ATP13A4: variants seen among roughly 807,000 people sequenced by gnomAD.
ATP13A4 encodes the protein probable cation-transporting ATPase 13A4.
ATP13A4 carries 114 observed loss-of-function variants against 142.5 expected under a neutral mutation model. The observed-to-expected ratio is 0.80, with a 90% CI of 0.69 to 0.93. The LOEUF (loss-of-function observed/expected upper bound fraction) is 0.93, where lower values mean the gene tolerates loss of function less well. Among genes scored for constraint, ATP13A4 ranks in the 40% least tolerant of loss-of-function variants. The probability of loss-of-function intolerance (pLI) is 0.00; values close to 1 mark genes in which losing one functional copy is unlikely to be tolerated. For missense variants in ATP13A4, 1,392 were observed against 1,454.0 expected (o/e 0.96, Z 0.69); for synonymous variants, 488 against 514.8 (o/e 0.95, Z 0.70).
intron 2 of ATP13A4, among the ~76,000 whole-genome samples, chr3:193,572,414 C>T (rs1724286285): frequency 1.3e-5 from 2 of 152,288 alleles, no homozygotes; most frequent in South Asian, 2.1e-4. Flanking sequence ...CTATTTTAAA[C>T]TTACAGCAGT....
At chr3:193,451,055 C>T (rs564288649) in intron 17 of ATP13A4, among the ~76,000 whole-genome samples, 7 of 152,268 alleles carry the variant, frequency 4.6e-5, no homozygotes, top group South Asian at 2.1e-4. Flanking sequence ...CCGGCTGTTA[C>T]GGGACTCTCT....
rs539602692 is a variant in ATP13A4 at position 193,436,921 on chromosome 3, G to A, written c.2673-1177C>T. On this transcript the variant is annotated intron_variant, in intron 23 of 29. Coordinates refer to ENST00000342695, the MANE Select transcript of ATP13A4 (RefSeq NM_032279.4). ...AGATCGAGACCATCCCGGCTAAAAC[G>A]GCGAAACCCCGTCTCTACTAAAAAT... Among the ~76,000 whole-genome samples, 53 of 148,554 alleles carry A rather than the reference G, an allele frequency of 3.6e-4. No homozygotes were observed. The East Asian group carries it at 6.6e-3, about 18-fold the overall frequency.
In ATP13A4 at chr3:193,402,874, A is replaced by C; in HGVS notation, c.3379-10T>G. ...TTTCAATAACAGCCTCCTGCAAAAT[A>C]AAATAATTACTTTTTACAAGCAAGG... is the stretch of plus-strand genomic sequence containing the variant. On this transcript the variant is annotated splice_polypyrimidine_tract_variant and intron_variant, in intron 29 of 29. Transcript: ENST00000342695. 5 of 1,612,980 alleles carry C rather than the reference A, an allele frequency of 3.1e-6. No homozygotes were observed. In the East Asian group the frequency reaches 1.1e-4, roughly 36 times the overall value.
At chr3:193,449,055 C>T (rs1448279867) in intron 17 of ATP13A4, among the ~76,000 whole-genome samples, 1 of 152,122 alleles carries the variant, frequency 6.6e-6, no homozygotes, top group Admixed American at 6.5e-5. Context: ...TTATTTTAGC[C>T]CCAGGAGATA....
intron 2 of ATP13A4, among the ~76,000 whole-genome samples, chr3:193,578,581 T>A (rs1435107703): frequency 6.6e-6 from 1 of 152,168 alleles, no homozygotes; most frequent in Non-Finnish European, 1.5e-5. Context: ...TCCATGAGGA[T>A]GTTTCTGAAA....
chr3:193,492,145 T>C (rs116381880), intron 5 of ATP13A4, among the ~76,000 whole-genome samples: 128 of 152,282 alleles, frequency 8.4e-4, no homozygotes, highest in Admixed American at 1.3e-3. Flanking sequence ...TCTGATTCAA[T>C]GGGATGAAAA....
chr3:193,466,456 T>G (rs943629117), intron 10 of ATP13A4, among the ~76,000 whole-genome samples: 9 of 152,256 alleles, frequency 5.9e-5, no homozygotes, highest in African/African-American at 1.9e-4. Flanking sequence ...AGCACAGCTT[T>G]GCCAAATAGC....
At position 193,488,002 on chromosome 3, in the gene ATP13A4, G is replaced by A. The variant is rs1472335543; in HGVS notation, c.738+1728C>T. On this transcript the variant is annotated intron_variant, in intron 7 of 29. Transcript: ENST00000342695. The stretch of plus-strand genomic sequence containing the variant: ...GTGGAGGCTGGGCACGGTGGCTCAC[G>A]CCTGTAATCCCAGCACTTTGGGAGG... 3.9e-5 allele frequency among the ~76,000 whole-genome samples: 6 copies of A among 152,276 alleles called. No homozygotes were observed. The East Asian group carries it at 9.7e-4, about 24-fold the overall frequency.
At position 193,466,015 on chromosome 3, in the gene ATP13A4, G is replaced by A; in HGVS notation, c.1272+10C>T. The A allele has an allele frequency of 1.9e-6, 3 of 1,613,576 alleles. No homozygotes were observed. Among genetic ancestry groups the A allele is most frequent in the Non-Finnish European group, 2.5e-6 (3 of 1,179,546 alleles). On this transcript the variant is annotated intron_variant, in intron 11 of 29. Coordinates refer to ENST00000342695, the MANE Select transcript of ATP13A4 (RefSeq NM_032279.4). The stretch of plus-strand genomic sequence containing the variant: ...TGTGTGCATTTAATAAAAGAGCAAA[G>A]ACAGCTTACCCCACTAAGCACATAG...
chr3:193,436,879 C>T (rs1475577406), intron 23 of ATP13A4, among the ~76,000 whole-genome samples: 5 of 140,460 alleles, frequency 3.6e-5, no homozygotes, highest in Non-Finnish European at 5.9e-5. Flanking sequence ...CCGAGGCGGG[C>T]GGATCACGAG....
intron 1 of ATP13A4, among the ~76,000 whole-genome samples, chr3:193,533,313 T>C (rs992183831): frequency 2.0e-5 from 3 of 152,140 alleles, no homozygotes; most frequent in Non-Finnish European, 4.4e-5. Flanking sequence ...TGAGTTCAAC[T>C]GAAATCCATG....
At chr3:193,566,210 T>C (rs1724129407) in intron 2 of ATP13A4, among the ~76,000 whole-genome samples, 1 of 152,204 alleles carries the variant, frequency 6.6e-6, no homozygotes, top group South Asian at 2.1e-4. Flanking sequence ...CCTACTCTTT[T>C]TGCTACCTCC....
At chr3:193,542,845 C>A (rs1723008642) in intron 1 of ATP13A4, among the ~76,000 whole-genome samples, 1 of 152,142 alleles carries the variant, frequency 6.6e-6, no homozygotes, top group Non-Finnish European at 1.5e-5. Flanking sequence ...GGATTAAAGT[C>A]TTAAATGTAA....
chr3:193,489,872 C>T lies in ATP13A4; in HGVS notation c.604-8G>A. The T allele has an allele frequency of 6.2e-7, 1 of 1,611,888 alleles. No homozygotes were observed. The highest frequency in any genetic ancestry group is 8.5e-7 in the Non-Finnish European group (1 of 1,178,586). ...ATAAAATGGATTTAGAACCTGTTGGCAGACATAAAAACAGGAAGACAAGGG... is the reference window on the plus strand; with the variant it reads ...ATAAAATGGATTTAGAACCTGTTGGTAGACATAAAAACAGGAAGACAAGGG... On this transcript the variant is annotated splice_region_variant and splice_polypyrimidine_tract_variant and intron_variant, in intron 6 of 29. Coordinates refer to ENST00000342695, the MANE Select transcript of ATP13A4 (RefSeq NM_032279.4).
intron 2 of ATP13A4, among the ~76,000 whole-genome samples, chr3:193,579,770 C>T (rs1351375252): frequency 6.6e-6 from 1 of 152,146 alleles, no homozygotes; most frequent in Non-Finnish European, 1.5e-5. Context: ...CTGGGTCTTG[C>T]GTCTCCTGCT....
At chr3:193,460,325 A>G (rs1281317948) in intron 13 of ATP13A4, among the ~76,000 whole-genome samples, 1 of 152,234 alleles carries the variant, frequency 6.6e-6, no homozygotes, top group Non-Finnish European at 1.5e-5. Context: ...CAAGACAGAC[A>G]ATTACTTCTG....
At chr3:193,427,919 C>T (rs1438437851) in intron 25 of ATP13A4, among the ~76,000 whole-genome samples, 1 of 152,128 alleles carries the variant, frequency 6.6e-6, no homozygotes, top group Non-Finnish European at 1.5e-5. Flanking sequence ...GCAATGGCAA[C>T]AAAAGCCAAA....
intron 8 of ATP13A4, among the ~76,000 whole-genome samples, chr3:193,480,300 T>G (rs1719216473): frequency 6.6e-6 from 1 of 152,130 alleles, no homozygotes; most frequent in African/African-American, 2.4e-5. Flanking sequence ...ACTGAAAAGC[T>G]TCTGCACAGC....
Position 193,412,316 on chromosome 3 carries a change from G to C in ATP13A4, c.3070C>G (p.Pro1024Ala). Reference protein sequence around the residue: ...ISELTMSPTAPEKMESNSTFT... With the variant: ...ISELTMSPTAAEKMESNSTFT... ...GTGCTATTACTTTCCATTTTTTCTG[G>C]AGCAGTTGGAGACATGGTTAACTCT... The change falls in exon 27 of 30, where the codon CCA (proline) becomes GCA (alanine). Residue 1024 changes from proline (P) to alanine (A), a missense_variant. Pro to Ala is a conservative substitution (Grantham distance 27, BLOSUM62 -1). Coordinates refer to ENST00000342695, the MANE Select transcript of ATP13A4 (RefSeq NM_032279.4). 2 of 1,614,048 alleles carry C rather than the reference G, an allele frequency of 1.2e-6. No homozygotes were observed. Among genetic ancestry groups the C allele is most frequent in the Non-Finnish European group, 1.7e-6 (2 of 1,179,980 alleles).
Sources: allele counts gnomAD v4.1 joint callset (sites outside exome capture counted in the v4.1 genomes callset), GRCh38; gene constraint gnomAD v4.1.1; transcripts MANE v1.5; gene names NCBI Gene and HGNC (gene_info 2026-07-23, HGNC 2026-07-21).